TBCA: variants seen among roughly 807,000 people sequenced by gnomAD.
TBCA encodes tubulin folding cofactor A, also known as tubulin-specific chaperone A.
A neutral mutation model predicts 15.8 loss-of-function variants in TBCA; 6 were observed. That is an observed-to-expected ratio of 0.38 (90% CI 0.21 to 0.75). The LOEUF (loss-of-function observed/expected upper bound fraction) is 0.75, where lower values mean the gene tolerates loss of function less well. Ranked by LOEUF, TBCA falls within the 30% of genes least tolerant of loss-of-function variation. TBCA has a pLI of 0.46. For synonymous variants in TBCA, 32 were observed against 42.3 expected (o/e 0.76, Z 0.94); for missense variants, 90 against 131.2 (o/e 0.69, Z 1.53).
intron 1 of TBCA, among the ~76,000 whole-genome samples, chr5:77,740,278 C>T (rs1332440467): frequency 6.6e-6 from 1 of 152,114 alleles, no homozygotes; most frequent in East Asian, 1.9e-4. Context: ...ATGTATTTGA[C>T]AGGTATGTGA....
intron 1 of TBCA, among the ~76,000 whole-genome samples, chr5:77,763,939 G>A (rs1047240330): frequency 6.6e-6 from 1 of 152,090 alleles, no homozygotes; most frequent in Non-Finnish European, 1.5e-5. Context: ...GAACAAGAAT[G>A]TACATAGAAA....
At chr5:77,747,519 A>C (rs1470338001) in intron 1 of TBCA, among the ~76,000 whole-genome samples, 1 of 152,148 alleles carries the variant, frequency 6.6e-6, no homozygotes, top group Non-Finnish European at 1.5e-5. Context: ...ATAACTGCTC[A>C]CTAATGTATC....
chr5:77,752,619 C>A (rs1487105752), intron 1 of TBCA, among the ~76,000 whole-genome samples: 1 of 59,858 alleles, frequency 1.7e-5, no homozygotes, highest in Non-Finnish European at 3.9e-5. Context: ...ACTGCAGTGG[C>A]GCAATCTCGG....
At chr5:77,700,022 C>A (rs146807563) in intron 2 of TBCA, among the ~76,000 whole-genome samples, 2 of 118,930 alleles carry the variant, frequency 1.7e-5, no homozygotes, top group African/African-American at 6.1e-5. Flanking sequence ...AAGAGTATGG[C>A]TCTGACTCAA....
chr5:77,713,699 G>C (rs1195064425), intron 1 of TBCA, among the ~76,000 whole-genome samples: 2 of 152,020 alleles, frequency 1.3e-5, no homozygotes, highest in African/African-American at 2.4e-5. Context: ...TACTATTTCA[G>C]CCTACTATGA....
At chr5:77,737,893 G>C (rs72772828) in intron 1 of TBCA, among the ~76,000 whole-genome samples, 17 of 151,934 alleles carry the variant, frequency 1.1e-4, no homozygotes, top group African/African-American at 4.1e-4. Flanking sequence ...TTATTTCTTT[G>C]TAATTCATAA....
At chr5:77,715,662 A>G (rs573319982) in intron 1 of TBCA, among the ~76,000 whole-genome samples, 1 of 152,350 alleles carries the variant, frequency 6.6e-6, no homozygotes, top group South Asian at 2.1e-4. Context: ...ACCTGGATTT[A>G]TAAAAAGTCT....
intron 1 of TBCA, among the ~76,000 whole-genome samples, chr5:77,759,194 C>T (rs254383): frequency 0.85 from 129,544 of 152,100 alleles, 55,702 homozygotes; most frequent in Non-Finnish European, 0.92. Flanking sequence ...AATCAAAGAG[C>T]GGGGACGCTT....
chr5:77,707,127 G>GA (rs979041361), intron 2 of TBCA, among the ~76,000 whole-genome samples: 7 of 152,012 alleles, frequency 4.6e-5, no homozygotes, highest in Non-Finnish European at 1.0e-4. Context: ...TAAGATGAGG[G>GA]AAAAAAGAGT....
chr5:77,747,566 T>C (rs1351711177), intron 1 of TBCA, among the ~76,000 whole-genome samples: 1 of 152,140 alleles, frequency 6.6e-6, no homozygotes, highest in Non-Finnish European at 1.5e-5. Flanking sequence ...TGTTAGTCTT[T>C]CTTTAAAAGA....
At chr5:77,721,974 A>G (rs1413670596) in intron 1 of TBCA, among the ~76,000 whole-genome samples, 1 of 152,058 alleles carries the variant, frequency 6.6e-6, no homozygotes, top group African/African-American at 2.4e-5. Context: ...TTAGCATGTA[A>G]AAACACGAAA....
At chr5:77,769,168 C>T (rs959997441) in intron 1 of TBCA, among the ~76,000 whole-genome samples, 3 of 152,150 alleles carry the variant, frequency 2.0e-5, no homozygotes, top group Admixed American at 2.0e-4. Context: ...AGCTGACCAC[C>T]TGCAATCCAT....
At chr5:77,713,081 G>A (rs1468196624) in intron 1 of TBCA, among the ~76,000 whole-genome samples, 1 of 152,046 alleles carries the variant, frequency 6.6e-6, no homozygotes, top group Non-Finnish European at 1.5e-5. Context: ...ACCACTTGAG[G>A]CCAGGAGTCT....
intron 1 of TBCA, among the ~76,000 whole-genome samples, chr5:77,735,903 C>T (rs200555149): frequency 6.6e-6 from 1 of 152,108 alleles, no homozygotes; most frequent in Non-Finnish European, 1.5e-5. Flanking sequence ...TGCAATAAAA[C>T]AAAACTGCCT....
intron 1 of TBCA, among the ~76,000 whole-genome samples, chr5:77,720,808 T>C (rs527470191): frequency 2.0e-4 from 31 of 152,330 alleles, no homozygotes; most frequent in African/African-American, 7.2e-4. Context: ...TCTCCTTGGA[T>C]GAACTGCATC....
At position 77,768,859 on chromosome 5, in the gene TBCA, C is replaced by CTT. The variant is rs557743115; in HGVS notation, c.53+7344_53+7345dup. Among the ~76,000 whole-genome samples the CTT allele has an allele frequency of 1.1e-4, 16 of 152,328 alleles. 1 individual carries two copies. In the East Asian group the frequency reaches 2.3e-3, roughly 22 times the overall value. On this transcript the variant is annotated intron_variant, in intron 1 of 3. Coordinates refer to ENST00000380377, the MANE Select transcript of TBCA (RefSeq NM_004607.3). Reference sequence around the variant, plus strand: ...CATCACACATCTAAGCATTTACTGTCTTAAGAGTTTTAGACTGCCATTATT... The same window carrying CTT: ...CATCACACATCTAAGCATTTACTGTCTTTTAAGAGTTTTAGACTGCCATTATT...
intron 1 of TBCA, among the ~76,000 whole-genome samples, chr5:77,761,362 T>C (rs1747635093): frequency 6.6e-6 from 1 of 152,190 alleles, no homozygotes; most frequent in South Asian, 2.1e-4. Flanking sequence ...CTGAAACATG[T>C]GCTGTTGTCA....
intron 1 of TBCA, among the ~76,000 whole-genome samples, chr5:77,769,213 T>G (rs983879401): frequency 6.6e-6 from 1 of 152,200 alleles, no homozygotes; most frequent in Non-Finnish European, 1.5e-5. Context: ...TTTGGAGAAC[T>G]GAATACATTA....
At chr5:77,736,279 T>A (rs894707467) in intron 1 of TBCA, among the ~76,000 whole-genome samples, 1 of 144,484 alleles carries the variant, frequency 6.9e-6, no homozygotes, top group African/African-American at 2.6e-5. Flanking sequence ...GAGGTTGCAG[T>A]GAGCCGAGAT....
Sources: gnomAD v4.1 joint callset for allele counts (sites outside exome capture counted in the v4.1 genomes callset) on GRCh38, gnomAD v4.1.1 for gene constraint, MANE v1.5 for transcripts, NCBI Gene and HGNC (gene_info 2026-07-23, HGNC 2026-07-21) for gene names.